The following ZNF230 variants were observed in gnomAD, a reference collection of about 807,000 sequenced individuals.
ZNF230 encodes zinc finger protein 230.
A neutral mutation model predicts 10.0 loss-of-function variants in ZNF230; 12 were observed. The ratio of observed to expected loss-of-function variants is 1.20; its 90% CI spans 0.77 to 1.95. The LOEUF (loss-of-function observed/expected upper bound fraction) is 1.95. Among genes scored for constraint, ZNF230 ranks in the 30% most tolerant of loss-of-function variants. The pLI is 0.00. For synonymous variants in ZNF230, 174 were observed against 193.6 expected, an observed-to-expected ratio of 0.90 and a Z score of 0.84; for missense variants, 532 against 565.8, an observed-to-expected ratio of 0.94 and a Z score of 0.61.
rs371920347 is a variant in ZNF230, at chr19:44,011,043, C to T, written c.1004C>T (p.Pro335Leu). The change falls in exon 5 of 5, where the codon CCG (proline) becomes CTG (leucine). Residue 335 changes from proline (P) to leucine (L), a missense_variant. Pro to Leu is a moderately conservative substitution (Grantham distance 98). Coordinates refer to ENST00000429154, the MANE Select transcript of ZNF230 (RefSeq NM_006300.4). ...CAGATAATTCACACAGGACAGAAAC[C>T]GTACAATTGTAAAGAATGTGGGAAG... ...KHQIIHTGQK[P>L]YNCKECGKSF... The T allele has an allele frequency of 9.9e-6, 16 of 1,614,008 alleles. No homozygotes were observed. In the African/African-American group the frequency reaches 1.3e-4, roughly 13 times the overall value.
chr19:44,009,242 A>G, intron 4 of ZNF230, 72 bp downstream of exon 4: 1 of 1,497,136 alleles, frequency 6.7e-7, no homozygotes, highest in Non-Finnish European at 9.3e-7. Flanking sequence ...GACCATGCCC[A>G]CTTATATCAC....
In ZNF230 at chr19:44,013,275, A is replaced by C. The variant is rs73554172; in HGVS notation, c.*1811A>C. On this transcript the variant is annotated 3_prime_UTR_variant, in exon 5 of 5. Transcript: ENST00000429154. ...AAACCTAACCTAATATTCTCTTCCT[A>C]TCTCTATGAAATACCAAGAGAAACC... is the stretch of plus-strand genomic sequence containing the variant. 3.3e-5 allele frequency: 5 copies of C among 152,186 alleles called. No homozygotes were observed. Among genetic ancestry groups the C allele is most frequent in the Non-Finnish European group, 5.9e-5 (4 of 68,028 alleles). 9.4% of individuals were successfully genotyped at this position (152,186 alleles called of 1,614,324 possible). A position where few individuals can be genotyped will look rare whatever the true frequency, so the allele number is the denominator to read the frequency against.
rs199910084 is a variant in ZNF230, at chr19:44,011,106, G to A, written c.1067G>A (p.Arg356Gln). The A allele has an allele frequency of 1.1e-4, 177 of 1,614,146 alleles. No individual in the cohort carries two copies. Among genetic ancestry groups the A allele is most frequent in the South Asian group, 3.0e-4 (27 of 91,082 alleles). ...RWSSYLLIHQ[R>Q]IHSGEKPYRC... ...TCCTCATATCTTTTGATCCATCAGC[G>A]AATCCACAGTGGAGAAAAACCATAC... Residue 356 changes from arginine to glutamine, a missense_variant, in exon 5 of 5, where the codon CGA (arginine) becomes CAA (glutamine). Physicochemically the swap from Arg to Gln is conservative, Grantham distance 43. Coordinates refer to ENST00000429154, the MANE Select transcript of ZNF230 (RefSeq NM_006300.4).
chr19:44,012,292 C>T lies in ZNF230; in HGVS notation c.*828C>T, dbSNP rs894205118. On this transcript the variant is annotated 3_prime_UTR_variant, in exon 5 of 5. Coordinates refer to ENST00000429154, the MANE Select transcript of ZNF230 (RefSeq NM_006300.4). ...GTCTCTGCTCAGTTGTCTATAATCT[C>T]ATTTGAGAGTTCACAAAGGGGCAAA... 2.1e-6 allele frequency: 1 copy of T among 468,190 alleles called. No individual in the cohort carries two copies. The highest frequency in any genetic ancestry group is 2.0e-5 in the African/African-American group (1 of 50,488). 29.0% of individuals were successfully genotyped at this position (468,190 alleles called of 1,614,324 possible). A position where few individuals can be genotyped will look rare whatever the true frequency, so the allele number is the denominator to read the frequency against.
intron 2 of ZNF230, among the ~76,000 whole-genome samples, chr19:44,007,782 C>T (rs1976136668): frequency 1.3e-5 from 2 of 152,184 alleles, no homozygotes; most frequent in South Asian, 2.1e-4. Flanking sequence ...AAGCTGCTGT[C>T]CAGCCTGCGC....
chr19:44,003,563 G>A (rs950720300), intron 1 of ZNF230: 3 of 152,932 alleles, frequency 2.0e-5, no homozygotes, highest in African/African-American at 7.2e-5. Flanking sequence ...GATCCCGGGA[G>A]GCCTTCTGAC....
At position 44,013,722 on chromosome 19, in the gene ZNF230, G is replaced by A. The variant is rs553047743; in HGVS notation, c.*2258G>A. 6 of 152,196 alleles carry A rather than the reference G, an allele frequency of 3.9e-5. No homozygotes were observed. In the South Asian group the frequency reaches 8.3e-4, roughly 21 times the overall value. 9.4% of individuals were successfully genotyped at this position (152,196 alleles called of 1,614,324 possible). ...CTGGGACTTTTTAATGTGTATATAC[G>A]TAATTTGTGAACAACTATTCTTTCC... On this transcript the variant is annotated 3_prime_UTR_variant, in exon 5 of 5. Coordinates refer to ENST00000429154, the MANE Select transcript of ZNF230 (RefSeq NM_006300.4).
chr19:44,009,448 C>T (rs915517945), intron 4 of ZNF230: 4 of 526,300 alleles, frequency 7.6e-6, no homozygotes, highest in Admixed American at 3.4e-5. Flanking sequence ...GTTACAACCT[C>T]TTTATTGGCT....
rs77165087 is a variant in ZNF230 at position 44,008,956 on chromosome 19, A to G, written c.142+40A>G. 6.2e-4 allele frequency: 1,006 copies of G among 1,610,020 alleles called. 8 individuals carry two copies. In the African/African-American group the frequency reaches 0.011, roughly 17 times the overall value. ...CCTCTGTAATGGTACATCAGGCCTC[A>G]GGAGTGGCTTTGTATCCTAGAGTAT... On this transcript the variant is annotated intron_variant, in intron 3 of 4. Coordinates refer to ENST00000429154, the MANE Select transcript of ZNF230 (RefSeq NM_006300.4).
intron 1 of ZNF230, among the ~76,000 whole-genome samples, chr19:44,005,583 T>C (rs1976115170): frequency 6.6e-6 from 1 of 152,286 alleles, no homozygotes; most frequent in East Asian, 1.9e-4. Flanking sequence ...TTTAAATTTG[T>C]TCAGTTTTTC....
chr19:44,010,038 G>C (rs11880958), intron 4 of ZNF230, among the ~76,000 whole-genome samples: 8,328 of 152,230 alleles, frequency 0.055, 668 homozygotes, highest in African/African-American at 0.18. Context: ...CAAATTAAAT[G>C]TATATATTAT....
Position 44,008,912 on chromosome 19 carries a change from A to G in ZNF230, c.138A>G (p.Ser46=). Residue 46 remains serine, a synonymous_variant, in exon 3 of 5, where the codon TCA becomes TCG. Transcript: ENST00000429154. The stretch of plus-strand genomic sequence containing the variant: ...TTGAGAACTTCACGAACCTGCTGTC[A>G]GTGGGTGAGCACAGGCACCCTCTGT... The part of the protein sequence containing the change: ...VMLENFTNLL[S]VGHQPFHPFH... The G allele has an allele frequency of 6.2e-7, 1 of 1,613,904 alleles. No homozygotes were observed. Among genetic ancestry groups the G allele is most frequent in the Non-Finnish European group, 8.5e-7 (1 of 1,179,836 alleles).
In ZNF230 at chr19:44,012,043, G is replaced by C; in HGVS notation, c.*579G>C. The C allele has an allele frequency of 4.5e-6, 1 of 221,140 alleles. No individual in the cohort carries two copies. Among genetic ancestry groups the C allele is most frequent in the East Asian group, 1.4e-4 (1 of 7,254 alleles). The allele number at this position is 221,140 out of a possible 1,614,324, so 13.7% of individuals were successfully genotyped here. A position where few individuals can be genotyped will look rare whatever the true frequency, so the allele number is the denominator to read the frequency against. On this transcript the variant is annotated 3_prime_UTR_variant, in exon 5 of 5. Transcript: ENST00000429154. ...GAATAGTGCTCCAATGAACATGGTA[G>C]TGTAGATATCTGATCCACATACTGA... is the stretch of plus-strand genomic sequence containing the variant.
chr19:44,011,278 C>T lies in ZNF230; in HGVS notation c.1239C>T (p.Leu413=). 1 of 1,614,070 alleles carries T rather than the reference C, an allele frequency of 6.2e-7. No homozygotes were observed. The highest frequency in any genetic ancestry group is 2.2e-5 in the East Asian group (1 of 44,868). Residue 413 remains leucine (L), a synonymous_variant, in exon 5 of 5, where the codon CTC becomes CTT. Coordinates refer to ENST00000429154, the MANE Select transcript of ZNF230 (RefSeq NM_006300.4). Reference sequence around the variant, plus strand: ...CAAGTATTTTGAATCATAAGAAACTCCACTGCCGGAAAAAACCCTTCAAAT... The same window carrying T: ...CAAGTATTTTGAATCATAAGAAACTTCACTGCCGGAAAAAACCCTTCAAAT... ...RASSILNHKK[L]HCRKKPFKCE...
rs2147428271 is a variant in ZNF230, at chr19:44,012,215, C to T, written c.*751C>T. On this transcript the variant is annotated 3_prime_UTR_variant, in exon 5 of 5. Coordinates refer to ENST00000429154, the MANE Select transcript of ZNF230 (RefSeq NM_006300.4). ...ACCTCAGGCCTCAAGTCCTCAACTG[C>T]ACCAGAGTGTCCACGTTGGACAGAA... The T allele has an allele frequency of 2.9e-6, 1 of 349,748 alleles. No homozygotes were observed. Among genetic ancestry groups the T allele is most frequent in the South Asian group, 2.1e-5 (1 of 46,684 alleles). 21.7% of individuals were successfully genotyped at this position (349,748 alleles called of 1,614,324 possible).
chr19:44,007,675 G>A (rs1213851870), intron 2 of ZNF230, among the ~76,000 whole-genome samples: 2 of 152,160 alleles, frequency 1.3e-5, no homozygotes, highest in African/African-American at 2.4e-5. Flanking sequence ...CTGTGTTTCC[G>A]TATTCTGTCC....
Position 44,011,237 on chromosome 19 carries a change from A to AGCTTT in ZNF230, c.1199_1203dup (p.Ser402AlafsTer9), listed in dbSNP as rs772882312. 6 of 1,614,032 alleles carry AGCTTT rather than the reference A, an allele frequency of 3.7e-6. No individual in the cohort carries two copies. The highest frequency in any genetic ancestry group is 5.1e-6 in the Non-Finnish European group (6 of 1,180,020). On this transcript the variant is annotated frameshift_variant, in exon 5 of 5. Transcript: ENST00000429154. LOFTEE classifies it low-confidence loss of function (END_TRUNC). ...TTATAATTGTAAGGAATGTGGGAAG[A>AGCTTT]GCTTTAGCCGGGCTTCAAGTATTTT...
rs376317424 is a variant in ZNF230 at position 44,013,802 on chromosome 19, T to C, written c.*2338T>C. The C allele has an allele frequency of 3.9e-5, 6 of 152,230 alleles. No homozygotes were observed. Among genetic ancestry groups the C allele is most frequent in the African/African-American group, 1.2e-4 (5 of 41,446 alleles). 9.4% of individuals were successfully genotyped at this position (152,230 alleles called of 1,614,324 possible). On this transcript the variant is annotated 3_prime_UTR_variant, in exon 5 of 5. Coordinates refer to ENST00000429154, the MANE Select transcript of ZNF230 (RefSeq NM_006300.4). ...CCATTTTATAATTTTATGCATTTTTTCTCAGTGAACATCAGTTTTATCAAA... is the reference window on the plus strand; with the variant it reads ...CCATTTTATAATTTTATGCATTTTTCCTCAGTGAACATCAGTTTTATCAAA...
In ZNF230 at chr19:44,010,634, G is replaced by C. The variant is rs781132210; in HGVS notation, c.595G>C (p.Asp199His). 3.1e-6 allele frequency: 5 copies of C among 1,614,242 alleles called. No homozygotes were observed. The highest frequency in any genetic ancestry group is 1.7e-6 in the Non-Finnish European group (2 of 1,180,036). The change falls in exon 5 of 5, where the codon GAC (aspartate) becomes CAC (histidine). Residue 199 changes from aspartate (D) to histidine (H), a missense_variant. Coordinates refer to ENST00000429154, the MANE Select transcript of ZNF230 (RefSeq NM_006300.4). ...VHLREKLSKC[D>H]MRGKEFSQSS... ...CTTGAGAGAGAAACTCTCTAAGTGT[G>C]ACATGCGTGGTAAGGAATTCAGTCA... is the stretch of plus-strand genomic sequence containing the variant.
Sources: gnomAD v4.1 joint callset for allele counts (sites outside exome capture counted in the v4.1 genomes callset) on GRCh38, gnomAD v4.1.1 for gene constraint, MANE v1.5 for transcripts, NCBI Gene and HGNC (gene_info 2026-07-23, HGNC 2026-07-21) for gene names.